RB1: variants seen among roughly 807,000 people sequenced by gnomAD.
RB1 encodes the protein RB transcriptional corepressor 1.
In RB1, 18 loss-of-function variants were observed where a neutral mutation model predicts 135.4. The ratio of observed to expected loss-of-function variants is 0.13; its 90% CI spans 0.09 to 0.20. The LOEUF is 0.20. Ranked by LOEUF, RB1 falls within the 10% of genes least tolerant of loss-of-function variation. RB1 has a pLI of 1.00. For synonymous variants in RB1, 365 were observed against 373.2 expected (o/e 0.98, Z 0.25); for missense variants, 868 against 1,110.0 (o/e 0.78, Z 3.10).
chr13:48,328,254 G>A (rs1952304485), intron 2 of RB1: 2 of 1,523,166 alleles, frequency 1.3e-6, no homozygotes, highest in Non-Finnish European at 9.1e-7. Flanking sequence ...CCTTTCCTCT[G>A]ATTCACTATC....
At chr13:48,327,532 A>G (rs1239722866) in intron 2 of RB1, among the ~76,000 whole-genome samples, 1 of 152,230 alleles carries the variant, frequency 6.6e-6, no homozygotes, top group East Asian at 1.9e-4. Context: ...TAGCAATGCA[A>G]CACCTAGTTT....
At chr13:48,354,066 A>G (rs1180063379) in intron 6 of RB1, among the ~76,000 whole-genome samples, 1 of 152,174 alleles carries the variant, frequency 6.6e-6, no homozygotes, top group Non-Finnish European at 1.5e-5. Context: ...GTTATTCAGC[A>G]TAGTACTGGA....
At chr13:48,465,161 C>T (rs2138345263) in intron 22 of RB1, 44 bp from the exon 23 acceptor site, 5 of 1,613,102 alleles carry the variant, frequency 3.1e-6, no homozygotes, top group Middle Eastern at 1.7e-4. Context: ...AATGGGTCCA[C>T]CAAAACATTA....
At chr13:48,429,706 C>T (rs891199464) in intron 17 of RB1, among the ~76,000 whole-genome samples, 4 of 152,090 alleles carry the variant, frequency 2.6e-5, no homozygotes, top group African/African-American at 7.2e-5. Context: ...AAAATGATTT[C>T]CTGCTTAGCT....
chr13:48,478,008 G>T (rs1949514636), intron 26 of RB1, among the ~76,000 whole-genome samples: 1 of 152,182 alleles, frequency 6.6e-6, no homozygotes, highest in Non-Finnish European at 1.5e-5. Flanking sequence ...TAGATGGAAA[G>T]CACATTAGGA....
Position 48,303,862 on chromosome 13 carries a change from C to T in RB1, c.-51C>T, listed in dbSNP as rs1952050380. 3 of 1,501,736 alleles carry T rather than the reference C, an allele frequency of 2.0e-6. No homozygotes were observed. The highest frequency in any genetic ancestry group is 2.6e-6 in the Non-Finnish European group (3 of 1,132,724). 93.0% of individuals were successfully genotyped at this position (1,501,736 alleles called of 1,614,324 possible). On this transcript the variant is annotated 5_prime_UTR_variant, in exon 1 of 27. Transcript: ENST00000267163. ...GTGCCCCGACGTGCGCGCGCGTCGT[C>T]CTCCCCGGCGCTCCTCCACAGCTCG...
At chr13:48,404,536 GTTTT>G (rs1332040276) in intron 17 of RB1, among the ~76,000 whole-genome samples, 1 of 149,886 alleles carries the variant, frequency 6.7e-6, no homozygotes, top group Non-Finnish European at 1.5e-5. Context: ...GATACTTTTT[GTTTT>G]TTTTTAATGA....
intron 17 of RB1, among the ~76,000 whole-genome samples, chr13:48,442,726 C>G (rs1322345581): frequency 6.6e-6 from 1 of 152,150 alleles, no homozygotes; most frequent in Non-Finnish European, 1.5e-5. Context: ...CCTCCCAGAG[C>G]TGGTATATCA....
chr13:48,418,649 A>G (rs1234440859), intron 17 of RB1, among the ~76,000 whole-genome samples: 1 of 151,968 alleles, frequency 6.6e-6, no homozygotes, highest in East Asian at 1.9e-4. Flanking sequence ...CTCATCTCAC[A>G]TGCAAAGACA....
At chr13:48,433,568 G>A (rs1380546548) in intron 17 of RB1, among the ~76,000 whole-genome samples, 1 of 151,888 alleles carries the variant, frequency 6.6e-6, no homozygotes, top group Non-Finnish European at 1.5e-5. Context: ...AGGATAGACT[G>A]TATTTAAATG....
At position 48,361,659 on chromosome 13, in the gene RB1, A is replaced by T. The variant is rs193080684; in HGVS notation, c.719-1156A>T. ...CTCAGATTTTCTTGTAAAAATAATT[A>T]AAAAATTTTTTTACAGTTTGAATGA... On this transcript the variant is annotated intron_variant, in intron 7 of 26. Coordinates refer to ENST00000267163, the MANE Select transcript of RB1 (RefSeq NM_000321.3). Among the ~76,000 whole-genome samples, 313 of 152,314 alleles carry T rather than the reference A, an allele frequency of 2.1e-3. 1 individual carries two copies. The highest frequency in any genetic ancestry group is 0.01 in the Middle Eastern group (3 of 294).
chr13:48,307,064 A>G (rs1952086892), intron 1 of RB1, among the ~76,000 whole-genome samples: 1 of 152,158 alleles, frequency 6.6e-6, no homozygotes, highest in Admixed American at 6.5e-5. Flanking sequence ...AATATTTTTC[A>G]CTGTGTGGTA....
At chr13:48,307,601 T>C (rs1952093396) in intron 2 of RB1, among the ~76,000 whole-genome samples, 195 bp downstream of exon 2, 1 of 151,410 alleles carries the variant, frequency 6.6e-6, no homozygotes, top group African/African-American at 2.4e-5. Flanking sequence ...ATGCCTGTAA[T>C]CCTACCACTT....
At chr13:48,424,162 A>G (rs1434246073) in intron 17 of RB1, 1 of 152,636 alleles carries the variant, frequency 6.6e-6, no homozygotes, top group African/African-American at 2.4e-5. Flanking sequence ...CAATTTGAGA[A>G]ATGAACATTT....
intron 17 of RB1, among the ~76,000 whole-genome samples, chr13:48,443,262 G>T (rs1433672651): frequency 6.6e-6 from 1 of 151,352 alleles, no homozygotes; most frequent in East Asian, 1.9e-4. Context: ...TTCAGTAAAT[G>T]GATAAAGCTG....
At chr13:48,304,420 G>A (rs553092723) in intron 1 of RB1, among the ~76,000 whole-genome samples, 1 of 152,292 alleles carries the variant, frequency 6.6e-6, no homozygotes, top group South Asian at 2.1e-4. Context: ...GTTTTTCACC[G>A]GAGAATTGGA....
At position 48,477,363 on chromosome 13, in the gene RB1, T is replaced by C. The variant is rs1949510396; in HGVS notation, c.2672T>C (p.Leu891Pro). ...ATTTTTTTAATCTGCAGTAAACATC[T>C]CCCAGGAGAGTCCAAATTTCAGCAG... ...GSDEADGSKHLPGESKFQQKL... is the reference protein window; with the variant it reads ...GSDEADGSKHPPGESKFQQKL... Residue 891 changes from leucine to proline, a missense_variant, in exon 26 of 27, where the codon CTC (leucine) becomes CCC (proline). Physicochemically the swap from Leu to Pro is moderately conservative, Grantham distance 98 (BLOSUM62 -3). Around this residue, in one of 3 missense-constraint regions of RB1, gnomAD observed 196 missense variants for 239.8 expected, o/e 0.82. Coordinates refer to ENST00000267163, the MANE Select transcript of RB1 (RefSeq NM_000321.3). 1.2e-6 allele frequency: 2 copies of C among 1,609,178 alleles called. No individual in the cohort carries two copies. The highest frequency in any genetic ancestry group is 1.7e-5 in the Admixed American group (1 of 59,804).
Position 48,475,457 on chromosome 13 carries a change from A to G in RB1, c.2521-1244A>G, listed in dbSNP as rs73479211. ...ATCCTCGATGGCTATTGGCCCCTCT[A>G]TTGGTTTCTTGCCCTTGGGCCCCTC... On this transcript the variant is annotated intron_variant, in intron 24 of 26. Transcript: ENST00000267163. 3.1e-3 allele frequency among the ~76,000 whole-genome samples: 471 copies of G among 152,232 alleles called. 1 individual carries two copies. The highest frequency in any genetic ancestry group is 0.011 in the African/African-American group (442 of 41,520).
chr13:48,338,791 T>C (rs1205726118), intron 2 of RB1, among the ~76,000 whole-genome samples: 1 of 152,200 alleles, frequency 6.6e-6, no homozygotes, highest in African/African-American at 2.4e-5. Context: ...TGCTGTTTTT[T>C]CCCCATCTTT....
Sources: allele counts gnomAD v4.1 joint callset (sites outside exome capture counted in the v4.1 genomes callset), GRCh38; gene constraint gnomAD v4.1.1; regional missense constraint gnomAD v4.1.1; transcripts MANE v1.5; gene names NCBI Gene and HGNC (gene_info 2026-07-23, HGNC 2026-07-21).